The following GPHN variants were observed in gnomAD, a reference collection of about 807,000 sequenced individuals.
GPHN encodes the protein gephyrin.
A neutral mutation model predicts 95.5 loss-of-function variants in GPHN; 17 were observed. The ratio of observed to expected loss-of-function variants is 0.18; its 90% CI spans 0.12 to 0.27. GPHN has a LOEUF of 0.27. GPHN is among the 10% of genes least tolerant of loss of function. The pLI is 1.00. For missense variants in GPHN, 660 were observed against 978.1 expected (o/e 0.67, Z 4.34); for synonymous variants, 320 against 322.5 (o/e 0.99, Z 0.08).
chr14:67,225,755 G>A, the GPHN span, among the ~76,000 whole-genome samples: 1 of 152,122 alleles, frequency 6.6e-6, no homozygotes, highest in African/African-American at 2.4e-5. Flanking sequence ...GGGTGGCCCT[G>A]GCCTACTGTA....
chr14:67,144,249 AAATATATATATATATAT>A lies in GPHN; in HGVS notation c.1836+802_1836+818del, dbSNP rs1366305042. Among the ~76,000 whole-genome samples, 100 of 68,932 alleles carry A rather than the reference AAATATATATATATATAT, an allele frequency of 1.5e-3. 7 individuals are homozygous for A. The highest frequency in any genetic ancestry group is 3.9e-3 in the Admixed American group (19 of 4,930). The allele number at this position is 68,932 out of a possible 152,430, so 45.2% of individuals were successfully genotyped here. On this transcript the variant is annotated intron_variant, in intron 18 of 22. Transcript: ENST00000478722. ...AAGACCCTGTCTTAAAAAAAAAAAA[AAATATATATATATATAT>A]ATATATATATATATATATATACACA...
intron 4 of GPHN, among the ~76,000 whole-genome samples, chr14:66,854,629 C>T (rs2062723183): frequency 6.6e-6 from 1 of 152,084 alleles, no homozygotes; most frequent in African/African-American, 2.4e-5. Context: ...CAACATATAC[C>T]ATTAACATCA....
the GPHN span, among the ~76,000 whole-genome samples, chr14:67,549,152 G>A: frequency 6.6e-6 from 1 of 152,218 alleles, no homozygotes; most frequent in Non-Finnish European, 1.5e-5. Flanking sequence ...AAATCATCAT[G>A]GAATGGGTCT....
At chr14:67,024,135 T>C (rs771252503) in intron 10 of GPHN, among the ~76,000 whole-genome samples, 6 of 152,172 alleles carry the variant, frequency 3.9e-5, no homozygotes, top group Non-Finnish European at 8.8e-5. Context: ...TGTTAGAACA[T>C]AGAACCTTAA....
At chr14:67,151,084 C>T (rs952204681) in intron 18 of GPHN, among the ~76,000 whole-genome samples, 25 of 152,162 alleles carry the variant, frequency 1.6e-4, no homozygotes, top group African/African-American at 4.8e-4. Context: ...CTTTAAGAGA[C>T]GATATAATTT....
chr14:67,679,676 T>C, the GPHN span, among the ~76,000 whole-genome samples: 1 of 152,192 alleles, frequency 6.6e-6, no homozygotes, highest in South Asian at 2.1e-4. Context: ...AGTGCTGGGA[T>C]TACAGGCATG....
intron 1 of GPHN, among the ~76,000 whole-genome samples, chr14:66,679,481 G>C (rs143785958): frequency 3.9e-5 from 6 of 152,114 alleles, no homozygotes; most frequent in African/African-American, 1.4e-4. Context: ...TTAATATATT[G>C]TATCAGTTTT....
chr14:67,646,299 G>A, the GPHN span: 152 of 257,344 alleles, frequency 5.9e-4, 1 homozygote, highest in African/African-American at 3.1e-3. Flanking sequence ...TGGCAACCAG[G>A]TTATGCTTCA....
chr14:66,890,595 G>A (rs538452636), intron 5 of GPHN, among the ~76,000 whole-genome samples: 1 of 152,060 alleles, frequency 6.6e-6, no homozygotes, highest in South Asian at 2.1e-4. Flanking sequence ...GGCAGCATTG[G>A]TCTCATACCA....
At chr14:67,257,950 A>T in the GPHN span, among the ~76,000 whole-genome samples, 1 of 152,186 alleles carries the variant, frequency 6.6e-6, no homozygotes, top group Non-Finnish European at 1.5e-5. Flanking sequence ...GCTGTCACCA[A>T]GGTAGTGAAT....
chr14:66,554,986 G>A (rs558157913), intron 1 of GPHN, among the ~76,000 whole-genome samples: 1 of 152,258 alleles, frequency 6.6e-6, no homozygotes, highest in East Asian at 1.9e-4. Flanking sequence ...CAGTTGCCAT[G>A]AAGGAACCTT....
intron 1 of GPHN, among the ~76,000 whole-genome samples, chr14:66,562,718 G>T (rs1442155203): frequency 6.6e-6 from 1 of 152,068 alleles, no homozygotes; most frequent in Non-Finnish European, 1.5e-5. Context: ...GGAAGATAAG[G>T]GATAGTATGG....
At chr14:67,674,949 T>G in the GPHN span, 1 of 152,626 alleles carries the variant, frequency 6.6e-6, no homozygotes, top group Non-Finnish European at 1.5e-5. Context: ...GACGAGAGCG[T>G]CTCGTCCCGG....
chr14:66,937,312 A>G (rs541862430), intron 8 of GPHN, among the ~76,000 whole-genome samples: 1 of 152,036 alleles, frequency 6.6e-6, no homozygotes, highest in South Asian at 2.1e-4. Context: ...CCTCTAAGAT[A>G]GTTTTTATTT....
chr14:66,745,857 A>G (rs1026968634), intron 2 of GPHN, among the ~76,000 whole-genome samples: 9 of 152,052 alleles, frequency 5.9e-5, no homozygotes, highest in African/African-American at 2.2e-4. Flanking sequence ...CTTTCTTAAT[A>G]GTCACATCAT....
intron 18 of GPHN, among the ~76,000 whole-genome samples, chr14:67,143,895 G>A (rs2080655388): frequency 6.6e-6 from 1 of 151,784 alleles, no homozygotes; most frequent in Non-Finnish European, 1.5e-5. Context: ...AAGAAAGGGA[G>A]GATTAGGCAT....
intron 2 of GPHN, among the ~76,000 whole-genome samples, chr14:66,733,238 C>G (rs2071955174): frequency 6.6e-6 from 1 of 151,936 alleles, no homozygotes; most frequent in African/African-American, 2.4e-5. Flanking sequence ...GCCTGCCTCC[C>G]CCTCCACCAT....
intron 1 of GPHN, among the ~76,000 whole-genome samples, chr14:66,667,142 C>G (rs1236757404): frequency 6.6e-6 from 1 of 152,102 alleles, no homozygotes; most frequent in Non-Finnish European, 1.5e-5. Context: ...AGAAATTACA[C>G]AAAGAAATGG....
intron 4 of GPHN, among the ~76,000 whole-genome samples, chr14:66,865,410 T>G (rs1210685346): frequency 1.3e-5 from 2 of 152,060 alleles, no homozygotes; most frequent in East Asian, 3.8e-4. Context: ...ATTTTTCAAA[T>G]TTTTTAAACT....
Sources: allele counts gnomAD v4.1 joint callset (sites outside exome capture counted in the v4.1 genomes callset), GRCh38; gene constraint gnomAD v4.1.1; transcripts MANE v1.5; gene names NCBI Gene and HGNC (gene_info 2026-07-23, HGNC 2026-07-21).